The following PDPN variants were observed in gnomAD, a reference collection of about 807,000 sequenced individuals.
PDPN encodes PA2.26 antigen.
Under a neutral mutation model 23.2 loss-of-function variants are expected in PDPN, and 12 were observed. The observed-to-expected ratio is 0.52, with a 90% CI of 0.33 to 0.84. The LOEUF is 0.84. PDPN is among the 40% of genes least tolerant of loss of function. The pLI is 0.02. For synonymous variants in PDPN, 77 were observed against 76.7 expected (o/e 1.00, Z -0.02); for missense variants, 199 against 212.2 (o/e 0.94, Z 0.39).
intron 1 of PDPN, among the ~76,000 whole-genome samples, chr1:13,592,134 C>G (rs2990672): frequency 0.21 from 31,390 of 152,084 alleles, 4,209 homozygotes; most frequent in African/African-American, 0.37. Context: ...TGTTTAAATC[C>G]TTTGCTCACT....
At chr1:13,598,084 C>T (rs964206302) in intron 1 of PDPN, among the ~76,000 whole-genome samples, 9 of 152,000 alleles carry the variant, frequency 5.9e-5, no homozygotes, top group African/African-American at 1.9e-4. Flanking sequence ...GGCACTATCT[C>T]GGCTCACTGC....
At position 13,614,401 on chromosome 1, in the gene PDPN, G is replaced by T; in HGVS notation, c.472G>T (p.Gly158Ter). ...CGTTGTGGTTATGCGAAAAATGTCGGGAAGGTACTCGTAAGTAAATAGCTT... is the reference window on the plus strand; with the variant it reads ...CGTTGTGGTTATGCGAAAAATGTCGTGAAGGTACTCGTAAGTAAATAGCTT... The part of the protein sequence containing the change: ...IIVVVMRKMS[G>*]RYSP The change falls in exon 5 of 6, where the codon GGA becomes TGA. Residue 158 changes from glycine (G) to a stop codon, truncating the protein, a stop_gained. Coordinates refer to ENST00000621990, the MANE Select transcript of PDPN (RefSeq NM_006474.5). LOFTEE classifies it high-confidence loss of function. The T allele has an allele frequency of 6.4e-7, 1 of 1,554,438 alleles. No homozygotes were observed. Among genetic ancestry groups the T allele is most frequent in the Non-Finnish European group, 8.9e-7 (1 of 1,125,850 alleles).
At chr1:13,596,086 C>G (rs979232634) in intron 1 of PDPN, 10 of 331,038 alleles carry the variant, frequency 3.0e-5, no homozygotes, top group Admixed American at 2.3e-4. Context: ...GTAATCCCAG[C>G]TACTTGAGAG....
At chr1:13,584,281 G>A in intron 1 of PDPN, 181 bp downstream of exon 1, 3 of 1,527,886 alleles carry the variant, frequency 2.0e-6, no homozygotes, top group Non-Finnish European at 2.6e-6. Flanking sequence ...TCGGTGCCAG[G>A]TCCCAAAGAC....
chr1:13,593,782 C>T (rs530848396), intron 1 of PDPN, among the ~76,000 whole-genome samples: 1 of 152,206 alleles, frequency 6.6e-6, no homozygotes, highest in East Asian at 1.9e-4. Flanking sequence ...AAACACACCC[C>T]ATTGAGAAGC....
chr1:13,591,124 T>C (rs1314069960), intron 1 of PDPN, among the ~76,000 whole-genome samples: 1 of 151,988 alleles, frequency 6.6e-6, no homozygotes, highest in African/African-American at 2.4e-5. Context: ...GTATTTTCAA[T>C]AGAGACGGGG....
At chr1:13,610,348 G>C (rs1339292355) in intron 2 of PDPN, 39 bp from the exon 3 acceptor site, 4 of 1,584,298 alleles carry the variant, frequency 2.5e-6, no homozygotes, top group Non-Finnish European at 3.5e-6. Flanking sequence ...AAGACAGTAG[G>C]CTTTATTTCC....
intron 1 of PDPN, among the ~76,000 whole-genome samples, chr1:13,605,168 G>T (rs1483687297): frequency 6.7e-6 from 1 of 149,202 alleles, no homozygotes; most frequent in Non-Finnish European, 1.5e-5. Context: ...AAGCAGTGGG[G>T]AGAATAAGGT....
intron 1 of PDPN, among the ~76,000 whole-genome samples, chr1:13,589,584 G>C (rs1283753548): frequency 2.0e-5 from 3 of 152,166 alleles, no homozygotes; most frequent in African/African-American, 7.2e-5. Context: ...GTATTTTATA[G>C]AGGAATTAAG....
rs1641015708 is a variant in PDPN at position 13,614,412 on chromosome 1, G to A, written c.482+1G>A. 7 of 1,439,982 alleles carry A rather than the reference G, an allele frequency of 4.9e-6. No individual in the cohort carries two copies. The highest frequency in any genetic ancestry group is 2.3e-5 in the East Asian group (1 of 43,990). The allele number at this position is 1,439,982 out of a possible 1,614,324, so 89.2% of individuals were successfully genotyped here. The stretch of plus-strand genomic sequence containing the variant: ...TGCGAAAAATGTCGGGAAGGTACTC[G>A]TAAGTAAATAGCTTACACCCATGTG... On this transcript the variant is annotated splice_donor_variant, in intron 5 of 5. Coordinates refer to ENST00000621990, the MANE Select transcript of PDPN (RefSeq NM_006474.5). LOFTEE classifies it high-confidence loss of function.
chr1:13,613,558 A>G, intron 3 of PDPN, 129 bp from the exon 4 acceptor site: 1 of 647,694 alleles, frequency 1.5e-6, no homozygotes, highest in South Asian at 1.8e-5. Flanking sequence ...GATCCAATTT[A>G]TTTAAGAAGC....
At chr1:13,599,576 G>A (rs1044025214) in intron 1 of PDPN, among the ~76,000 whole-genome samples, 1 of 151,180 alleles carries the variant, frequency 6.6e-6, no homozygotes, top group African/African-American at 2.4e-5. Flanking sequence ...AGTAGAGACG[G>A]TTTCACCATG....
At chr1:13,611,172 G>T (rs1360518253) in intron 3 of PDPN, among the ~76,000 whole-genome samples, 1 of 151,472 alleles carries the variant, frequency 6.6e-6, no homozygotes, top group African/African-American at 2.4e-5. Context: ...AGTGAGCCCA[G>T]ATGACGCCAC....
rs1377571001 is a variant in PDPN at position 13,617,131 on chromosome 1, G to T, written c.*1220G>T. The T allele has an allele frequency of 6.7e-6, 1 of 149,224 alleles. No homozygotes were observed. The highest frequency in any genetic ancestry group is 2.5e-5 in the African/African-American group (1 of 40,550). 9.2% of individuals were successfully genotyped at this position (149,224 alleles called of 1,614,324 possible). A position where few individuals can be genotyped will look rare whatever the true frequency, so the allele number is the denominator to read the frequency against. On this transcript the variant is annotated 3_prime_UTR_variant, in exon 6 of 6. Coordinates refer to ENST00000621990, the MANE Select transcript of PDPN (RefSeq NM_006474.5). ...TTCTGTCTCAGCACCATCCAGCCTG[G>T]CACTTCTCTTCCCATATATCCATTG...
At chr1:13,593,166 G>A (rs1165698024) in intron 1 of PDPN, among the ~76,000 whole-genome samples, 1 of 152,130 alleles carries the variant, frequency 6.6e-6, no homozygotes, top group Non-Finnish European at 1.5e-5. Flanking sequence ...GGAAGAAGAG[G>A]GAGGAAACAC....
chr1:13,607,941 T>C (rs1049770044), intron 2 of PDPN, among the ~76,000 whole-genome samples: 1 of 151,984 alleles, frequency 6.6e-6, no homozygotes, highest in African/African-American at 2.4e-5. Context: ...CTTGTCTCTA[T>C]TAAAAATACA....
intron 1 of PDPN, 86 bp downstream of exon 1, chr1:13,584,186 G>A: frequency 1.3e-6 from 2 of 1,544,686 alleles, no homozygotes; most frequent in Non-Finnish European, 1.8e-6. Context: ...CCTGGTATTC[G>A]AGGTTGTCCA....
intron 2 of PDPN, among the ~76,000 whole-genome samples, chr1:13,610,150 T>C (rs1029989093): frequency 6.6e-6 from 1 of 152,222 alleles, no homozygotes; most frequent in African/African-American, 2.4e-5. Context: ...CATTCTTCTG[T>C]CTGCAGACGC....
chr1:13,586,678 C>G (rs1640186879), intron 1 of PDPN, among the ~76,000 whole-genome samples: 1 of 150,860 alleles, frequency 6.6e-6, no homozygotes, highest in Admixed American at 6.6e-5. Flanking sequence ...ATTACATACT[C>G]TTATCTCGGA....
Sources: gnomAD v4.1 joint callset for allele counts (sites outside exome capture counted in the v4.1 genomes callset) on GRCh38, gnomAD v4.1.1 for gene constraint, MANE v1.5 for transcripts, NCBI Gene and HGNC (gene_info 2026-07-23, HGNC 2026-07-21) for gene names.